The following FBXO34 variants were observed in gnomAD, a reference collection of about 807,000 sequenced individuals.
FBXO34 encodes the protein F-box only protein 34.
In FBXO34, 12 loss-of-function variants were observed where a neutral mutation model predicts 24.5. That is an observed-to-expected ratio of 0.49 (90% CI 0.31 to 0.79). The LOEUF (loss-of-function observed/expected upper bound fraction) is 0.79, where lower values mean the gene tolerates loss of function less well. Among genes scored for constraint, FBXO34 ranks in the 30% least tolerant of loss-of-function variants. FBXO34 has a pLI of 0.04. For missense variants in FBXO34, 823 were observed against 857.7 expected (o/e 0.96, Z 0.51); for synonymous variants, 320 against 311.9 (o/e 1.03, Z -0.27).
chr14:55,405,315 T>C, the FBXO34 span, among the ~76,000 whole-genome samples: 1 of 152,204 alleles, frequency 6.6e-6, no homozygotes, highest in Non-Finnish European at 1.5e-5. Flanking sequence ...AAATCTGCAA[T>C]AATATTTAAA....
At chr14:55,332,461 A>G (rs879702446) in intron 1 of FBXO34, among the ~76,000 whole-genome samples, 2 of 152,190 alleles carry the variant, frequency 1.3e-5, no homozygotes, top group Non-Finnish European at 2.9e-5. Context: ...GATCCCAGGT[A>G]ATGCAGATTA....
At chr14:55,389,605 T>TA in the FBXO34 span, among the ~76,000 whole-genome samples, 3 of 152,354 alleles carry the variant, frequency 2.0e-5, no homozygotes, top group East Asian at 5.8e-4. Flanking sequence ...TTCTAAACTT[T>TA]AAACAGTGAT....
At chr14:55,329,068 G>T in intron 1 of FBXO34, among the ~76,000 whole-genome samples, 1 of 149,434 alleles carries the variant, frequency 6.7e-6, no homozygotes, top group Non-Finnish European at 1.5e-5. Flanking sequence ...TTAATGAGAA[G>T]TTCCTAGAGA....
At chr14:55,384,921 G>T in the FBXO34 span, among the ~76,000 whole-genome samples, 1 of 152,234 alleles carries the variant, frequency 6.6e-6, no homozygotes. Context: ...TGGGAGGTTG[G>T]AGGGGTGCCC....
chr14:55,356,069 C>T (rs1342962149), downstream of FBXO34, among the ~76,000 whole-genome samples: 1 of 152,218 alleles, frequency 6.6e-6, no homozygotes, highest in Admixed American at 6.5e-5. Flanking sequence ...GCAGCAGGCT[C>T]TGAGCCGGTG....
At chr14:55,372,217 C>CG (rs1309694288), downstream of FBXO34, among the ~76,000 whole-genome samples, 4 of 152,116 alleles carry the variant, frequency 2.6e-5, no homozygotes, top group African/African-American at 4.8e-5. Flanking sequence ...CCAGGGCTAC[C>CG]TGTTATCATT....
the FBXO34 span, chr14:55,382,166 T>A: frequency 6.2e-7 from 1 of 1,614,132 alleles, no homozygotes; most frequent in Non-Finnish European, 8.5e-7. Flanking sequence ...GCACTGTCAC[T>A]CTCTGAAGAC....
At chr14:55,427,538 T>C in the FBXO34 span, among the ~76,000 whole-genome samples, 291 of 152,240 alleles carry the variant, frequency 1.9e-3, 2 homozygotes, top group African/African-American at 6.8e-3. Flanking sequence ...GGCGTTGGAA[T>C]GAAAGAACTT....
At chr14:55,389,188 T>C in the FBXO34 span, among the ~76,000 whole-genome samples, 1 of 152,232 alleles carries the variant, frequency 6.6e-6, no homozygotes, top group African/African-American at 2.4e-5. Context: ...AAAGAGCTGA[T>C]CAGAGCTTTT....
the FBXO34 span, among the ~76,000 whole-genome samples, chr14:55,418,375 G>C: frequency 6.6e-6 from 1 of 152,180 alleles, no homozygotes; most frequent in African/African-American, 2.4e-5. Context: ...ATACTACGTG[G>C]ATTTTCCAGT....
the FBXO34 span, among the ~76,000 whole-genome samples, chr14:55,391,471 T>TAAAAAAAG: frequency 1.3e-5 from 1 of 75,790 alleles, no homozygotes; most frequent in Non-Finnish European, 3.0e-5. Flanking sequence ...TGAGACTCCA[T>TAAAAAAAG]AAAAAAAAAA....
At chr14:55,313,716 CACTT>C (rs1029114903) in intron 1 of FBXO34, among the ~76,000 whole-genome samples, 3 of 152,198 alleles carry the variant, frequency 2.0e-5, no homozygotes, top group African/African-American at 7.2e-5. Flanking sequence ...AGCTACCAAA[CACTT>C]ACAAAACCAT....
At chr14:55,441,626 G>C in the FBXO34 span, among the ~76,000 whole-genome samples, 1 of 152,192 alleles carries the variant, frequency 6.6e-6, no homozygotes, top group South Asian at 2.1e-4. Flanking sequence ...TTGCTGCACA[G>C]TTAGGGTTGA....
chr14:55,326,253 T>G (rs534201929), intron 1 of FBXO34, among the ~76,000 whole-genome samples: 1 of 152,312 alleles, frequency 6.6e-6, no homozygotes, highest in East Asian at 1.9e-4. Flanking sequence ...TCCCTCCCTC[T>G]GTCTCCTCCC....
intron 1 of FBXO34, chr14:55,299,055 T>G (rs1882246826): frequency 4.4e-6 from 7 of 1,583,692 alleles, no homozygotes; most frequent in Non-Finnish European, 6.1e-6. Flanking sequence ...AACAGCAATT[T>G]CGAAACCTGT....
chr14:55,325,966 C>T (rs747816841), intron 1 of FBXO34: 3 of 152,178 alleles, frequency 2.0e-5, no homozygotes, highest in Non-Finnish European at 4.4e-5. Flanking sequence ...CGCTTATTAC[C>T]GTGGTAACAA....
chr14:55,311,739 T>G (rs1293921932), intron 1 of FBXO34, among the ~76,000 whole-genome samples: 1 of 152,038 alleles, frequency 6.6e-6, no homozygotes, highest in Non-Finnish European at 1.5e-5. Context: ...TGTTGTTTGT[T>G]TTTTTGAGAG....
downstream of FBXO34, among the ~76,000 whole-genome samples, chr14:55,357,603 T>C (rs1463325858): frequency 6.6e-6 from 1 of 152,150 alleles, no homozygotes; most frequent in Non-Finnish European, 1.5e-5. Flanking sequence ...ATCATTAAGC[T>C]CAGGAGTTTG....
At chr14:55,440,589 GT>G in the FBXO34 span, 7 of 1,537,744 alleles carry the variant, frequency 4.6e-6, no homozygotes, top group African/African-American at 8.3e-5. Flanking sequence ...CTCGGCCCAG[GT>G]TCCTGCAGAG....
Sources: allele counts gnomAD v4.1 joint callset (sites outside exome capture counted in the v4.1 genomes callset), GRCh38; gene constraint gnomAD v4.1.1; transcripts MANE v1.5; gene names NCBI Gene and HGNC (gene_info 2026-07-23, HGNC 2026-07-21).